CAST: variants seen among roughly 807,000 people sequenced by gnomAD.
CAST encodes MIR583 host.
Under a neutral mutation model 119.6 loss-of-function variants are expected in CAST, and 76 were observed. That is an observed-to-expected ratio of 0.64 (90% CI 0.53 to 0.77). The LOEUF (loss-of-function observed/expected upper bound fraction) is 0.77, where lower values mean the gene tolerates loss of function less well. Ranked by LOEUF, CAST falls within the 30% of genes least tolerant of loss-of-function variation. The pLI, the probability that CAST is intolerant of heterozygous loss-of-function variation, is 0.00. For synonymous variants in CAST, 319 were observed against 331.6 expected (o/e 0.96, Z 0.41); for missense variants, 953 against 946.5 (o/e 1.01, Z -0.09).
chr5:96,191,638 A>C, the CAST span, among the ~76,000 whole-genome samples: 3 of 152,142 alleles, frequency 2.0e-5, no homozygotes, highest in African/African-American at 4.8e-5. Context: ...CTCTGTCACC[A>C]GGCTCACTGC....
the CAST span, among the ~76,000 whole-genome samples, chr5:96,490,612 G>C: frequency 1.3e-5 from 2 of 151,984 alleles, no homozygotes; most frequent in African/African-American, 4.8e-5. Context: ...ACATATATAA[G>C]AATACAAATG....
chr5:96,594,048 T>C (rs1379057417), intron 1 of CAST, among the ~76,000 whole-genome samples: 2 of 152,130 alleles, frequency 1.3e-5, no homozygotes, highest in Non-Finnish European at 2.9e-5. Flanking sequence ...TCAGCAAGAC[T>C]CAAAATTATA....
the CAST span, among the ~76,000 whole-genome samples, chr5:96,290,565 C>T: frequency 9.2e-3 from 1,408 of 152,218 alleles, 26 homozygotes; most frequent in African/African-American, 0.033. Flanking sequence ...ATGAAGCTTC[C>T]CCTATGCATC....
At chr5:96,438,027 G>GCCTAACTTTTTTCT in the CAST span, among the ~76,000 whole-genome samples, 1 of 152,080 alleles carries the variant, frequency 6.6e-6, no homozygotes, top group Non-Finnish European at 1.5e-5. Flanking sequence ...ATACTTCGAA[G>GCCTAACTTTTTTCT]GCAGATTGTT....
chr5:95,989,606 T>A, the CAST span, among the ~76,000 whole-genome samples: 2 of 152,232 alleles, frequency 1.3e-5, no homozygotes, highest in East Asian at 3.8e-4. Flanking sequence ...TCACTTTTGA[T>A]AAGAACACTC....
At chr5:96,714,504 G>A (rs1756846146) in intron 3 of CAST, 1 of 152,362 alleles carries the variant, frequency 6.6e-6, no homozygotes, top group African/African-American at 2.4e-5. Flanking sequence ...GGCTCCTGTA[G>A]TGCCTGTTAA....
intron 16 of CAST, chr5:96,743,843 C>CG: frequency 1.2e-6 from 1 of 853,724 alleles, no homozygotes; most frequent in Non-Finnish European, 1.8e-6. Flanking sequence ...TTGAGGAAAG[C>CG]GGGGTGTTGG....
At chr5:96,618,463 G>A (rs1747516190) in intron 1 of CAST, among the ~76,000 whole-genome samples, 1 of 152,252 alleles carries the variant, frequency 6.6e-6, no homozygotes. Flanking sequence ...CCCTCTCTGG[G>A]CTGGCTGAGG....
the CAST span, among the ~76,000 whole-genome samples, chr5:96,427,528 C>T: frequency 3.9e-5 from 6 of 152,124 alleles, no homozygotes; most frequent in African/African-American, 1.2e-4. Flanking sequence ...TAATTTTTTA[C>T]AAAGTTATAC....
the CAST span, among the ~76,000 whole-genome samples, chr5:96,222,815 T>C: frequency 6.6e-6 from 1 of 152,164 alleles, no homozygotes; most frequent in African/African-American, 2.4e-5. Context: ...TGCACCCCTA[T>C]GTTTATTGCA....
chr5:96,061,540 G>T, the CAST span, among the ~76,000 whole-genome samples: 3 of 152,044 alleles, frequency 2.0e-5, no homozygotes, highest in Non-Finnish European at 2.9e-5. Flanking sequence ...ATTGATCTGG[G>T]TACAAGCCAA....
At chr5:96,667,964 G>A (rs752549179) in intron 1 of CAST, among the ~76,000 whole-genome samples, 9 of 152,174 alleles carry the variant, frequency 5.9e-5, no homozygotes, top group South Asian at 2.1e-4. Context: ...GCAGTAAGCC[G>A]AGATTGCACC....
upstream of CAST, among the ~76,000 whole-genome samples, chr5:96,522,636 A>C (rs986122707): frequency 2.0e-5 from 3 of 152,322 alleles, no homozygotes; most frequent in East Asian, 5.8e-4. Flanking sequence ...AACTTTCTCT[A>C]GTGCTGACCC....
At chr5:96,345,876 A>T in the CAST span, among the ~76,000 whole-genome samples, 96 of 152,342 alleles carry the variant, frequency 6.3e-4, no homozygotes, top group African/African-American at 2.1e-3. Flanking sequence ...AGAGACTGAG[A>T]GAAAGATGAA....
the CAST span, among the ~76,000 whole-genome samples, chr5:96,266,779 T>C: frequency 1.3e-5 from 2 of 152,116 alleles, no homozygotes; most frequent in African/African-American, 4.8e-5. Context: ...ACATTCATAA[T>C]AAACAACAGC....
chr5:96,136,029 C>G, the CAST span, among the ~76,000 whole-genome samples: 1 of 152,202 alleles, frequency 6.6e-6, no homozygotes, highest in African/African-American at 2.4e-5. Flanking sequence ...CCACTGCACT[C>G]TGTGTGTAGC....
chr5:96,378,370 T>C, the CAST span, among the ~76,000 whole-genome samples: 2 of 152,138 alleles, frequency 1.3e-5, no homozygotes, highest in African/African-American at 4.8e-5. Flanking sequence ...GAATGGTAAC[T>C]ATGTGGGGTG....
At chr5:96,589,628 A>T (rs1409918795) in intron 1 of CAST, among the ~76,000 whole-genome samples, 2 of 152,202 alleles carry the variant, frequency 1.3e-5, no homozygotes, top group African/African-American at 2.4e-5. Flanking sequence ...TAGAGCAAAA[A>T]GTTTTAGTTA....
At chr5:96,578,472 T>C (rs1746715380) in intron 1 of CAST, among the ~76,000 whole-genome samples, 1 of 152,074 alleles carries the variant, frequency 6.6e-6, no homozygotes, top group South Asian at 2.1e-4. Flanking sequence ...TTACTATTTG[T>C]TTTCTGTTCA....
Sources: gnomAD v4.1 joint callset for allele counts (sites outside exome capture counted in the v4.1 genomes callset) on GRCh38, gnomAD v4.1.1 for gene constraint, MANE v1.5 for transcripts, NCBI Gene and HGNC (gene_info 2026-07-23, HGNC 2026-07-21) for gene names.